Variants in ADGRL3 observed in about 807,000 individuals in gnomAD.
The protein encoded by ADGRL3 is calcium-independent alpha-latrotoxin receptor 3.
ADGRL3 carries 62 observed loss-of-function variants against 153.5 expected under a neutral mutation model. The observed-to-expected ratio is 0.40, with a 90% confidence interval of 0.33 to 0.50. The LOEUF (loss-of-function observed/expected upper bound fraction) is 0.50. ADGRL3 is among the 20% of genes least tolerant of loss of function. ADGRL3 has a pLI of 0.47. For missense variants in ADGRL3, 1,641 were observed against 1,859.4 expected (o/e 0.88, Z 2.16); for synonymous variants, 710 against 672.5 (o/e 1.06, Z -0.86).
intron 5 of ADGRL3, among the ~76,000 whole-genome samples, chr4:61,637,144 C>T (rs2093459518): frequency 1.3e-5 from 2 of 152,118 alleles, no homozygotes; most frequent in South Asian, 2.1e-4. Flanking sequence ...TACCTCAGAA[C>T]ATGATCTTAT....
chr4:61,352,788 C>G (rs2096075797), intron 1 of ADGRL3, among the ~76,000 whole-genome samples: 1 of 152,188 alleles, frequency 6.6e-6, no homozygotes, highest in Admixed American at 6.5e-5. Context: ...CCTGCAGTAT[C>G]TCCAAGGCCT....
chr4:62,039,201 T>C (rs1258412739), intron 24 of ADGRL3, among the ~76,000 whole-genome samples: 2 of 152,148 alleles, frequency 1.3e-5, no homozygotes, highest in Non-Finnish European at 2.9e-5. Context: ...CTTAGAAAAT[T>C]TAATTTCTTT....
intron 4 of ADGRL3, among the ~76,000 whole-genome samples, chr4:61,518,058 C>G (rs1481031120): frequency 6.6e-6 from 1 of 152,142 alleles, no homozygotes; most frequent in Admixed American, 6.5e-5. Flanking sequence ...ATAATATTGC[C>G]TCTGCAGCTG....
chr4:61,717,741 T>C (rs188174614), intron 6 of ADGRL3, among the ~76,000 whole-genome samples: 7 of 152,226 alleles, frequency 4.6e-5, no homozygotes, highest in Admixed American at 3.3e-4. Flanking sequence ...TTTAAAAATG[T>C]AGCATAATGG....
chr4:61,298,554 A>C (rs1404165698), intron 1 of ADGRL3, among the ~76,000 whole-genome samples: 1 of 152,182 alleles, frequency 6.6e-6, no homozygotes, highest in Non-Finnish European at 1.5e-5. Flanking sequence ...TTTATCATTC[A>C]CATTCTCTGC....
intron 8 of ADGRL3, among the ~76,000 whole-genome samples, chr4:61,802,353 T>G (rs1665033843): frequency 6.6e-6 from 1 of 151,980 alleles, no homozygotes; most frequent in African/African-American, 2.4e-5. Context: ...TTTCAAAGAG[T>G]GAGGCTTGCT....
intron 12 of ADGRL3, 31 bp downstream of exon 12, chr4:61,909,776 TGTG>T: frequency 7.5e-7 from 1 of 1,336,730 alleles, no homozygotes; most frequent in East Asian, 2.6e-5. Context: ...TGTGTGTGTG[TGTG>T]TGTGTGTGTG....
At chr4:61,813,749 T>C (rs2097657270) in intron 8 of ADGRL3, 60 bp from the exon 9 acceptor site, 2 of 1,591,294 alleles carry the variant, frequency 1.3e-6, no homozygotes, top group African/African-American at 2.7e-5. Flanking sequence ...ATAAAAACAA[T>C]TTAAAAAGGG....
At chr4:61,508,210 C>A (rs1323309028) in intron 3 of ADGRL3, among the ~76,000 whole-genome samples, 4 of 152,068 alleles carry the variant, frequency 2.6e-5, no homozygotes, top group African/African-American at 9.7e-5. Flanking sequence ...GTATTTACAT[C>A]ACAGTATTAC....
intron 5 of ADGRL3, among the ~76,000 whole-genome samples, chr4:61,618,392 A>G (rs77665239): frequency 1.2e-4 from 18 of 152,310 alleles, no homozygotes; most frequent in African/African-American, 1.7e-4. Flanking sequence ...AGCTGTTTCT[A>G]TGTAACAAAT....
chr4:61,747,858 G>A (rs2096690048), intron 8 of ADGRL3, among the ~76,000 whole-genome samples: 1 of 151,938 alleles, frequency 6.6e-6, no homozygotes, highest in Non-Finnish European at 1.5e-5. Context: ...TTCTGGTCAG[G>A]GCAATCAAGC....
At chr4:61,994,041 A>G (rs2099113206) in intron 19 of ADGRL3, among the ~76,000 whole-genome samples, 1 of 152,224 alleles carries the variant, frequency 6.6e-6, no homozygotes, top group Non-Finnish European at 1.5e-5. Flanking sequence ...TACATAAAAA[A>G]TGAGAACTTG....
At chr4:61,388,234 C>T (rs562993591) in intron 2 of ADGRL3, among the ~76,000 whole-genome samples, 2 of 152,230 alleles carry the variant, frequency 1.3e-5, no homozygotes, top group South Asian at 2.1e-4. Context: ...CTTTCCTCAC[C>T]TGCATAAGTG....
intron 19 of ADGRL3, among the ~76,000 whole-genome samples, chr4:61,987,324 C>A (rs924693052): frequency 2.0e-5 from 3 of 151,876 alleles, no homozygotes; most frequent in Non-Finnish European, 4.4e-5. Context: ...CAGGCATGCA[C>A]CACCACGCCC....
intron 1 of ADGRL3, among the ~76,000 whole-genome samples, chr4:61,221,449 C>T (rs966088088): frequency 9.9e-5 from 15 of 152,094 alleles, no homozygotes; most frequent in Admixed American, 2.6e-4. Flanking sequence ...CATAAGACAT[C>T]GTCTGTTCTC....
chr4:61,618,424 C>G (rs1402989189), intron 5 of ADGRL3, among the ~76,000 whole-genome samples: 1 of 152,162 alleles, frequency 6.6e-6, no homozygotes, highest in Non-Finnish European at 1.5e-5. Context: ...AGAGTCATAA[C>G]AAATTTCTCA....
intron 1 of ADGRL3, among the ~76,000 whole-genome samples, chr4:61,343,148 G>A (rs940558773): frequency 6.6e-6 from 1 of 152,216 alleles, no homozygotes; most frequent in East Asian, 1.9e-4. Flanking sequence ...AAACACATGG[G>A]AATTATTGGA....
intron 1 of ADGRL3, among the ~76,000 whole-genome samples, chr4:61,347,646 G>T (rs1393525670): frequency 2.0e-5 from 3 of 149,982 alleles, no homozygotes; most frequent in Non-Finnish European, 4.4e-5. Context: ...TTATTAAGTT[G>T]GACCCTAGAA....
intron 2 of ADGRL3, among the ~76,000 whole-genome samples, chr4:61,419,630 A>G (rs1310571475): frequency 6.6e-6 from 1 of 152,180 alleles, no homozygotes; most frequent in Admixed American, 6.5e-5. Flanking sequence ...TGGCCCCTGG[A>G]AATCAATTTG....
Sources: allele counts gnomAD v4.1 joint callset (sites outside exome capture counted in the v4.1 genomes callset), GRCh38; gene constraint gnomAD v4.1.1; transcripts MANE v1.5; gene names NCBI Gene and HGNC (gene_info 2026-07-23, HGNC 2026-07-21).